Variants in HTT-AS observed in about 807,000 individuals in gnomAD.
HTT-AS encodes the protein HTT antisense RNA, also known as HTT antisense RNA (head to head).
In HTT-AS at chr4:3,051,653, TAA is replaced by T. The variant is rs35425809; in HGVS notation, n.1381-1957_1381-1956del. Among the ~76,000 whole-genome samples, 376 of 145,998 alleles carry T rather than the reference TAA, an allele frequency of 2.6e-3. 1 individual carries two copies. The highest frequency in any genetic ancestry group is 4.3e-3 in the Non-Finnish European group (286 of 66,604). ...GTGTGTTCAAACTGGTTGAATGAAT[TAA>T]AAAAAAAAAAATCACTGCTTATCTC... On this transcript the variant is annotated intron_variant and non_coding_transcript_variant, in intron 2 of 2. Transcript: ENST00000664062.
intron 2 of HTT-AS, among the ~76,000 whole-genome samples, chr4:3,062,237 C>T (rs1711941212): frequency 6.6e-6 from 1 of 152,090 alleles, no homozygotes; most frequent in Admixed American, 6.6e-5. Flanking sequence ...CACTATGTGT[C>T]CAGGCTGGTC....
intron 1 of HTT-AS, among the ~76,000 whole-genome samples, chr4:3,073,893 G>A (rs1215501849): frequency 2.0e-5 from 3 of 152,188 alleles, no homozygotes; most frequent in Non-Finnish European, 4.4e-5. Context: ...TGTGGCGGGA[G>A]GGCAAACCCC....
At chr4:3,067,651 C>T (rs542078401) in intron 1 of HTT-AS, among the ~76,000 whole-genome samples, 6 of 152,112 alleles carry the variant, frequency 3.9e-5, no homozygotes, top group Non-Finnish European at 7.4e-5. Flanking sequence ...CCTAGCCAAT[C>T]GCATAGCAAT....
chr4:3,070,054 G>T (rs1453910518), intron 1 of HTT-AS: 1 of 152,316 alleles, frequency 6.6e-6, no homozygotes, highest in Admixed American at 6.6e-5. Flanking sequence ...CTGCTTTCAA[G>T]GCCTCTTCTC....
intron 1 of HTT-AS, among the ~76,000 whole-genome samples, chr4:3,070,694 T>G (rs970419550): frequency 8.5e-5 from 13 of 152,344 alleles, no homozygotes; most frequent in African/African-American, 3.1e-4. Flanking sequence ...TTTCCCTGTG[T>G]CACAAGTGCT....
chr4:3,061,856 C>T (rs1261839300), intron 2 of HTT-AS, among the ~76,000 whole-genome samples: 1 of 151,452 alleles, frequency 6.6e-6, no homozygotes, highest in Non-Finnish European at 1.5e-5. Context: ...GTGGCGAGCA[C>T]CTGTAGTCCC....
intron 2 of HTT-AS, among the ~76,000 whole-genome samples, chr4:3,056,049 A>G (rs976386198): frequency 6.6e-6 from 1 of 152,188 alleles, no homozygotes; most frequent in Non-Finnish European, 1.5e-5. Flanking sequence ...AATCCAAGAG[A>G]GGACTTATCC....
chr4:3,052,709 C>G (rs1711726512), intron 2 of HTT-AS, among the ~76,000 whole-genome samples: 1 of 152,150 alleles, frequency 6.6e-6, no homozygotes, highest in Non-Finnish European at 1.5e-5. Flanking sequence ...AGACCTCAGG[C>G]TGGGCATGGT....
intron 1 of HTT-AS, among the ~76,000 whole-genome samples, chr4:3,073,970 T>C (rs1712291768): frequency 6.6e-6 from 1 of 151,886 alleles, no homozygotes; most frequent in Non-Finnish European, 1.5e-5. Flanking sequence ...GGGGGATCCT[T>C]TCCGCATGGG....
intron 1 of HTT-AS, among the ~76,000 whole-genome samples, chr4:3,065,178 G>A (rs959364386): frequency 3.3e-5 from 5 of 151,734 alleles, no homozygotes; most frequent in Non-Finnish European, 5.9e-5. Context: ...CATTTTACCC[G>A]ATAAGGGCAC....
chr4:3,061,407 G>A (rs1415383176), intron 2 of HTT-AS, among the ~76,000 whole-genome samples: 1 of 152,158 alleles, frequency 6.6e-6, no homozygotes, highest in Non-Finnish European at 1.5e-5. Context: ...TTGACTGGGC[G>A]CAGTGGCTCA....
chr4:3,059,793 A>G (rs1341020538), intron 2 of HTT-AS, among the ~76,000 whole-genome samples: 1 of 152,084 alleles, frequency 6.6e-6, no homozygotes, highest in Non-Finnish European at 1.5e-5. Flanking sequence ...GGCTGGTCTC[A>G]AACTCCTGAC....
intron 1 of HTT-AS, among the ~76,000 whole-genome samples, chr4:3,071,291 C>T (rs560568611): frequency 5.9e-5 from 9 of 152,296 alleles, no homozygotes; most frequent in African/African-American, 2.2e-4. Context: ...ATCTGGGCCC[C>T]CTCCTTCCAG....
At position 3,059,971 on chromosome 4, in the gene HTT-AS, G is replaced by C. The variant is rs186264249; in HGVS notation, n.1380+2463C>G. Among the ~76,000 whole-genome samples, 15 of 143,302 alleles carry C rather than the reference G, an allele frequency of 1.0e-4. 1 individual carries two copies. In the South Asian group the frequency reaches 2.4e-3, roughly 23 times the overall value. 94.0% of individuals were successfully genotyped at this position (143,302 alleles called of 152,430 possible). On this transcript the variant is annotated intron_variant and non_coding_transcript_variant, in intron 2 of 2. Transcript: ENST00000664062. ...CTCATTCATTCTGTCACCCAGGCTG[G>C]AGTTCAGTGGCGTGATCTCAGCTCA...
chr4:3,069,507 A>T (rs573371216), intron 1 of HTT-AS, among the ~76,000 whole-genome samples: 1 of 152,190 alleles, frequency 6.6e-6, no homozygotes, highest in Admixed American at 6.5e-5. Flanking sequence ...ATCAGACTTA[A>T]CCAAAAACCA....
intron 1 of HTT-AS, among the ~76,000 whole-genome samples, chr4:3,071,811 G>A (rs940609609): frequency 6.6e-6 from 1 of 152,150 alleles, no homozygotes; most frequent in East Asian, 1.9e-4. Flanking sequence ...GGCCACGTGA[G>A]GACACCAAGA....
exon 2 of HTT-AS, among the ~76,000 whole-genome samples, chr4:3,063,134 A>T (rs1711977211): frequency 6.6e-6 from 1 of 152,178 alleles, no homozygotes; most frequent in Non-Finnish European, 1.5e-5. Context: ...AAGTGCTACA[A>T]AGGAAGGGAG....
At chr4:3,058,969 G>A (rs1028777805) in intron 2 of HTT-AS, among the ~76,000 whole-genome samples, 2 of 152,136 alleles carry the variant, frequency 1.3e-5, no homozygotes, top group African/African-American at 4.8e-5. Flanking sequence ...ATACAGCCGC[G>A]TTGGCCTCCC....
intron 1 of HTT-AS, among the ~76,000 whole-genome samples, chr4:3,069,107 G>A (rs28629394): frequency 0.058 from 8,831 of 151,616 alleles, 460 homozygotes; most frequent in African/African-American, 0.14. Flanking sequence ...GATGAATGTT[G>A]TAATTTCTAG....
Sources: allele counts gnomAD v4.1 joint callset (sites outside exome capture counted in the v4.1 genomes callset), GRCh38; gene constraint gnomAD v4.1.1; transcripts MANE v1.5; gene names NCBI Gene and HGNC (gene_info 2026-07-23, HGNC 2026-07-21).